The following TBC1D4 variants were observed in gnomAD, a reference collection of about 807,000 sequenced individuals.
The protein encoded by TBC1D4 is TBC (Tre-2, BUB2, CDC16) domain-containing protein.
Under a neutral mutation model 142.5 loss-of-function variants are expected in TBC1D4, and 121 were observed. The observed-to-expected ratio is 0.85, with a 90% CI of 0.73 to 0.99. The LOEUF (loss-of-function observed/expected upper bound fraction) is 0.99, where lower values mean the gene tolerates loss of function less well. Ranked by LOEUF, TBC1D4 falls within the 50% of genes least tolerant of loss-of-function variation. TBC1D4 has a pLI of 0.00. For synonymous variants in TBC1D4, 630 were observed against 628.2 expected, an observed-to-expected ratio of 1.00 and a Z score of -0.04; for missense variants, 1,475 against 1,606.6, an observed-to-expected ratio of 0.92 and a Z score of 1.40.
At position 75,341,506 on chromosome 13, in the gene TBC1D4, T is replaced by C. The variant is rs766736665; in HGVS notation, c.1490A>G (p.Glu497Gly). 2.5e-6 allele frequency: 4 copies of C among 1,614,048 alleles called. No homozygotes were observed. Among genetic ancestry groups the C allele is most frequent in the Non-Finnish European group, 3.4e-6 (4 of 1,179,982 alleles). Reference sequence around the variant, plus strand: ...TACAAATAATGTTACCTGAACTCTTTCAAAGATGTCAGCTTGCTCATTATC... The same window carrying C: ...TACAAATAATGTTACCTGAACTCTTCCAAAGATGTCAGCTTGCTCATTATC... Reference protein sequence around the residue: ...LTDNEQADIFERVQKMKPVSD... With the variant: ...LTDNEQADIFGRVQKMKPVSD... The change falls in exon 6 of 21, where the codon GAA becomes GGA. Residue 497 changes from glutamate (E) to glycine (G), a missense_variant. Around this residue, in one of 2 missense-constraint regions of TBC1D4, gnomAD observed 1,227 missense variants for 1,267.7 expected, o/e 0.97. Transcript: ENST00000377636.
intron 12 of TBC1D4, among the ~76,000 whole-genome samples, chr13:75,314,345 A>G (rs1482316058): frequency 6.6e-6 from 1 of 152,164 alleles, no homozygotes; most frequent in African/African-American, 2.4e-5. Context: ...CAGACAGAAC[A>G]GCCACTCTCA....
intron 1 of TBC1D4, among the ~76,000 whole-genome samples, chr13:75,408,485 T>C (rs557444244): frequency 2.0e-5 from 3 of 152,342 alleles, no homozygotes; most frequent in South Asian, 4.1e-4. Flanking sequence ...GTATGTATCA[T>C]ATAATGGTGA....
chr13:75,332,095 G>A (rs1879797375), intron 8 of TBC1D4, among the ~76,000 whole-genome samples: 2 of 152,280 alleles, frequency 1.3e-5, no homozygotes, highest in Admixed American at 1.3e-4. Context: ...AGCAATTGAA[G>A]GCATGCAAAA....
At chr13:75,312,579 T>C (rs1300470081) in intron 13 of TBC1D4, among the ~76,000 whole-genome samples, 159 bp downstream of exon 13, 1 of 152,192 alleles carries the variant, frequency 6.6e-6, no homozygotes, top group East Asian at 1.9e-4. Flanking sequence ...GAATGCCTAA[T>C]GTTTTCTAAT....
rs1170883206 is a variant in TBC1D4 at position 75,482,157 on chromosome 13, T to G, written c.-390A>C. On this transcript the variant is annotated 5_prime_UTR_variant, in exon 1 of 21. Coordinates refer to ENST00000377636, the MANE Select transcript of TBC1D4 (RefSeq NM_014832.5). ...CCCCGCTGCGGCCGCCGCGCTCGCCTGGGGCAGACACTGGGTGGCTGGGCG... is the reference window on the plus strand; with the variant it reads ...CCCCGCTGCGGCCGCCGCGCTCGCCGGGGGCAGACACTGGGTGGCTGGGCG... 1 of 164,490 alleles carries G rather than the reference T, an allele frequency of 6.1e-6. No individual in the cohort carries two copies. Among genetic ancestry groups the G allele is most frequent in the Non-Finnish European group, 1.3e-5 (1 of 78,426 alleles). The allele number at this position is 164,490 out of a possible 1,614,324, so 10.2% of individuals were successfully genotyped here.
rs531941197 is a variant in TBC1D4 at position 75,385,083 on chromosome 13, C to G, written c.499-22476G>C. Among the ~76,000 whole-genome samples, 4 of 152,300 alleles carry G rather than the reference C, an allele frequency of 2.6e-5. No homozygotes were observed. The South Asian group carries it at 8.3e-4, about 32-fold the overall frequency. ...CATAGACTGCTCACTGCTCAGCAGC[C>G]TGGGAGGCCTATTTGCTCACAACTC... On this transcript the variant is annotated intron_variant, in intron 1 of 20. Coordinates refer to ENST00000377636, the MANE Select transcript of TBC1D4 (RefSeq NM_014832.5).
At chr13:75,416,153 C>T (rs1169318132) in intron 1 of TBC1D4, among the ~76,000 whole-genome samples, 4 of 152,056 alleles carry the variant, frequency 2.6e-5, no homozygotes, top group Admixed American at 2.6e-4. Flanking sequence ...TTATTTTATG[C>T]TGTAAGAAGA....
chr13:75,319,091 G>A (rs1303195702), intron 12 of TBC1D4, among the ~76,000 whole-genome samples: 3 of 152,176 alleles, frequency 2.0e-5, no homozygotes, highest in Non-Finnish European at 4.4e-5. Flanking sequence ...GAATAGGTAA[G>A]AAGTATTATT....
intron 13 of TBC1D4, among the ~76,000 whole-genome samples, chr13:75,310,526 G>C (rs111334258): frequency 0.028 from 4,313 of 152,246 alleles, 127 homozygotes; most frequent in African/African-American, 0.067. Flanking sequence ...ATCTCCGAAG[G>C]TCTACATCGA....
At chr13:75,378,013 C>T (rs779887794) in intron 1 of TBC1D4, among the ~76,000 whole-genome samples, 1 of 151,908 alleles carries the variant, frequency 6.6e-6, no homozygotes, top group Non-Finnish European at 1.5e-5. Context: ...AGTTTCAAAG[C>T]CATAAATTAC....
At chr13:75,385,506 G>A (rs191958689) in intron 1 of TBC1D4, among the ~76,000 whole-genome samples, 9 of 152,316 alleles carry the variant, frequency 5.9e-5, no homozygotes, top group African/African-American at 1.9e-4. Flanking sequence ...TGAAAAGCAG[G>A]TGCCTGTTCT....
At chr13:75,443,918 A>T (rs563951423) in intron 1 of TBC1D4, among the ~76,000 whole-genome samples, 1 of 152,172 alleles carries the variant, frequency 6.6e-6, no homozygotes, top group Non-Finnish European at 1.5e-5. Flanking sequence ...ACAACAGGAT[A>T]ACTTTCATAG....
In TBC1D4 at chr13:75,320,027, C is replaced by T. The variant is rs749337384; in HGVS notation, c.2209G>A (p.Ala737Thr). The T allele has an allele frequency of 1.2e-6, 2 of 1,613,230 alleles. No homozygotes were observed. Among genetic ancestry groups the T allele is most frequent in the Admixed American group, 3.3e-5 (2 of 60,002 alleles). Reference protein sequence around the residue: ...QYENEIRQDTASESSDGEGRK... With the variant: ...QYENEIRQDTTSESSDGEGRK... Reference sequence around the variant, plus strand: ...ACCTCTAATCACCTTGATTCTGAAGCAGTGTCTTGTCTGGTACAACAGGAA... The same window carrying T: ...ACCTCTAATCACCTTGATTCTGAAGTAGTGTCTTGTCTGGTACAACAGGAA... The change falls in exon 12 of 21, where the codon GCT becomes ACT. Residue 737 changes from alanine (A) to threonine (T), a missense_variant. Ala to Thr is a moderately conservative substitution (Grantham distance 58). Coordinates refer to ENST00000377636, the MANE Select transcript of TBC1D4 (RefSeq NM_014832.5).
At chr13:75,320,121 A>T in intron 11 of TBC1D4, 84 bp from the exon 12 acceptor site, 1 of 1,449,508 alleles carries the variant, frequency 6.9e-7, no homozygotes, top group Non-Finnish European at 9.7e-7. Context: ...CATTCCAATA[A>T]GTCATCAATA....
intron 1 of TBC1D4, among the ~76,000 whole-genome samples, chr13:75,395,431 A>T (rs781222316): frequency 2.0e-5 from 3 of 152,230 alleles, no homozygotes; most frequent in Non-Finnish European, 4.4e-5. Context: ...CTAATACCAT[A>T]ATCTGTATAC....
chr13:75,409,290 T>G (rs2138386606), intron 1 of TBC1D4, among the ~76,000 whole-genome samples: 1 of 152,320 alleles, frequency 6.6e-6, no homozygotes, highest in Non-Finnish European at 1.5e-5. Context: ...TTTGCTCAAT[T>G]TGTTTTAAAA....
intron 1 of TBC1D4, among the ~76,000 whole-genome samples, chr13:75,465,512 G>A (rs1183334545): frequency 6.6e-6 from 1 of 152,214 alleles, no homozygotes; most frequent in Non-Finnish European, 1.5e-5. Flanking sequence ...ACAGAAGGGT[G>A]GAGAGCGGAG....
At chr13:75,296,266 T>G (rs1334468433) in intron 17 of TBC1D4, among the ~76,000 whole-genome samples, 2 of 152,114 alleles carry the variant, frequency 1.3e-5, no homozygotes, top group Admixed American at 6.5e-5. Flanking sequence ...TACATTTCCT[T>G]TAGACCATTT....
intron 1 of TBC1D4, among the ~76,000 whole-genome samples, chr13:75,455,069 G>T (rs1040734538): frequency 2.6e-5 from 4 of 152,162 alleles, no homozygotes; most frequent in Admixed American, 6.5e-5. Flanking sequence ...CTATGTAACT[G>T]ATCAGAAAGA....
Sources: gnomAD v4.1 joint callset for allele counts (sites outside exome capture counted in the v4.1 genomes callset) on GRCh38, gnomAD v4.1.1 for gene constraint, gnomAD v4.1.1 regional missense constraint, MANE v1.5 for transcripts, NCBI Gene and HGNC (gene_info 2026-07-23, HGNC 2026-07-21) for gene names.